Variants in MCC observed in about 807,000 individuals in gnomAD.
MCC encodes the protein MCC regulator of Wnt signaling pathway, also known as colorectal mutant cancer protein.
MCC carries 90 observed loss-of-function variants against 116.2 expected under a neutral mutation model. The observed-to-expected ratio is 0.77, with a 90% CI of 0.65 to 0.92. The LOEUF (loss-of-function observed/expected upper bound fraction) is 0.92. Among genes scored for constraint, MCC ranks in the 40% least tolerant of loss-of-function variants. MCC has a pLI of 0.00. For missense variants in MCC, 1,516 were observed against 1,312.2 expected (o/e 1.16, Z -2.40); for synonymous variants, 578 against 510.5 (o/e 1.13, Z -1.78).
chr5:113,161,252 G>A (rs904965907), intron 3 of MCC, among the ~76,000 whole-genome samples: 10 of 152,138 alleles, frequency 6.6e-5, no homozygotes, highest in Non-Finnish European at 1.2e-4. Flanking sequence ...ACATCATGGA[G>A]GAGATGAAGA....
At chr5:113,066,945 G>C (rs1343739470) in intron 13 of MCC, among the ~76,000 whole-genome samples, 1 of 152,172 alleles carries the variant, frequency 6.6e-6, no homozygotes, top group Non-Finnish European at 1.5e-5. Context: ...GGCTAAGGGG[G>C]TGTCCGGGGC....
intron 1 of MCC, among the ~76,000 whole-genome samples, chr5:113,390,062 A>G (rs6867397): frequency 0.44 from 67,217 of 151,974 alleles, 16,324 homozygotes; most frequent in African/African-American, 0.64. Context: ...AGAGAACTAT[A>G]TCAGTAGCAA....
At chr5:113,448,008 AAAGGGAATAGGAG>A (rs1771271526) in intron 1 of MCC, 1 of 152,298 alleles carries the variant, frequency 6.6e-6, no homozygotes, top group African/African-American at 2.4e-5. Flanking sequence ...GGGACTGGAA[AAAGGGAATAGGAG>A]AAGGGAAAAG....
intron 8 of MCC, among the ~76,000 whole-genome samples, chr5:113,085,966 C>T (rs190282054): frequency 2.6e-4 from 39 of 152,282 alleles, no homozygotes; most frequent in African/African-American, 8.4e-4. Context: ...CTGGGATTAC[C>T]GGCATGAGCC....
chr5:113,472,219 T>C (rs895995483), intron 1 of MCC, among the ~76,000 whole-genome samples: 11 of 152,166 alleles, frequency 7.2e-5, no homozygotes, highest in Admixed American at 1.3e-4. Flanking sequence ...GGTACCTCAG[T>C]TGGAAATGCA....
intron 3 of MCC, among the ~76,000 whole-genome samples, chr5:113,163,213 C>T (rs1346428530): frequency 1.3e-5 from 2 of 152,094 alleles, no homozygotes; most frequent in Non-Finnish European, 2.9e-5. Flanking sequence ...CATAAAAACG[C>T]ATCTCAATAG....
chr5:113,294,971 T>C, intron 3 of MCC: 1 of 985,516 alleles, frequency 1.0e-6, no homozygotes, highest in Non-Finnish European at 1.2e-6. Context: ...GCTGTCTAGC[T>C]GCTGGCCACG....
chr5:113,139,890 A>G (rs1490862570), intron 5 of MCC, among the ~76,000 whole-genome samples: 1 of 152,176 alleles, frequency 6.6e-6, no homozygotes, highest in African/African-American at 2.4e-5. Flanking sequence ...CAAAGACACC[A>G]AAAGCAACAG....
chr5:113,071,331 G>A, intron 11 of MCC, 97 bp from the exon 12 acceptor site: 1 of 1,311,958 alleles, frequency 7.6e-7, no homozygotes. Flanking sequence ...AAGCATGTGA[G>A]GATGTGGGCC....
chr5:113,327,580 A>ATATATATATATATG (rs1264439386), intron 3 of MCC, among the ~76,000 whole-genome samples: 1 of 133,722 alleles, frequency 7.5e-6, no homozygotes, highest in Non-Finnish European at 1.6e-5. Flanking sequence ...ATATATATAT[A>ATATATATATATATG]TATATAAAAA....
intron 1 of MCC, among the ~76,000 whole-genome samples, chr5:113,481,676 T>C (rs897442196): frequency 2.0e-5 from 3 of 152,074 alleles, no homozygotes; most frequent in Admixed American, 2.0e-4. Context: ...GAGGCGGAGA[T>C]TGCAGTGAGC....
chr5:113,117,254 T>A (rs1036472821), intron 6 of MCC, among the ~76,000 whole-genome samples: 4 of 152,330 alleles, frequency 2.6e-5, no homozygotes, highest in African/African-American at 4.8e-5. Flanking sequence ...TTAAGCCTCA[T>A]CAGCCAGTAA....
At chr5:113,064,500 T>C (rs564049297) in intron 13 of MCC, among the ~76,000 whole-genome samples, 36 of 152,330 alleles carry the variant, frequency 2.4e-4, no homozygotes, top group African/African-American at 8.7e-4. Flanking sequence ...TCTCCTCCCA[T>C]TCAGCCACAA....
At chr5:113,447,160 C>T (rs1274087420) in intron 1 of MCC, among the ~76,000 whole-genome samples, 1 of 152,082 alleles carries the variant, frequency 6.6e-6, no homozygotes, top group Non-Finnish European at 1.5e-5. Flanking sequence ...TTAGGAATAT[C>T]TTCAAATCAT....
chr5:113,189,994 G>A (rs1762075951), intron 3 of MCC, among the ~76,000 whole-genome samples: 3 of 152,224 alleles, frequency 2.0e-5, no homozygotes, highest in South Asian at 4.2e-4. Context: ...CCACTCAGGG[G>A]CCTGTGTCCG....
chr5:113,328,501 C>T (rs1767621712), intron 3 of MCC, among the ~76,000 whole-genome samples: 1 of 152,164 alleles, frequency 6.6e-6, no homozygotes, highest in South Asian at 2.1e-4. Flanking sequence ...TTCCTCTTCA[C>T]TTTTAAGTCT....
intron 3 of MCC, among the ~76,000 whole-genome samples, chr5:113,267,960 T>C (rs1260303456): frequency 6.6e-6 from 1 of 152,186 alleles, no homozygotes; most frequent in Non-Finnish European, 1.5e-5. Flanking sequence ...TGAAATAAAG[T>C]GGAATGGAAG....
At chr5:113,060,158 G>T (rs1351578436) in intron 14 of MCC, among the ~76,000 whole-genome samples, 1 of 151,944 alleles carries the variant, frequency 6.6e-6, no homozygotes, top group East Asian at 1.9e-4. Flanking sequence ...TTGTTTGTTT[G>T]TTTGTTTGTT....
intron 6 of MCC, among the ~76,000 whole-genome samples, chr5:113,115,484 A>C (rs1757342881): frequency 6.6e-6 from 1 of 152,144 alleles, no homozygotes. Flanking sequence ...TGTTTCTGTG[A>C]AACAACAAAC....
Sources: gnomAD v4.1 joint callset for allele counts (sites outside exome capture counted in the v4.1 genomes callset) on GRCh38, gnomAD v4.1.1 for gene constraint, MANE v1.5 for transcripts, NCBI Gene and HGNC (gene_info 2026-07-23, HGNC 2026-07-21) for gene names.